STIL: variants seen among roughly 807,000 people sequenced by gnomAD.
STIL encodes the protein STIL centriolar assembly protein.
A neutral mutation model predicts 110.1 loss-of-function variants in STIL; 55 were observed. That is an observed-to-expected ratio of 0.50 (90% confidence interval 0.40 to 0.63). The LOEUF (loss-of-function observed/expected upper bound fraction) is 0.63, where lower values mean the gene tolerates loss of function less well. Among genes scored for constraint, STIL ranks in the 20% least tolerant of loss-of-function variants. The pLI is 0.00. For missense variants in STIL, 1,358 were observed against 1,530.0 expected, an observed-to-expected ratio of 0.89 and a Z score of 1.87; for synonymous variants, 481 against 530.0, an observed-to-expected ratio of 0.91 and a Z score of 1.27.
intron 12 of STIL, among the ~76,000 whole-genome samples, chr1:47,276,122 C>T (rs913277168): frequency 1.3e-5 from 2 of 151,820 alleles, no homozygotes; most frequent in African/African-American, 4.8e-5. Flanking sequence ...CATGCCTCAG[C>T]CTCCTAAGTA....
chr1:47,305,028 A>C, intron 2 of STIL, 32 bp from the exon 3 acceptor site: 1 of 1,493,558 alleles, frequency 6.7e-7, no homozygotes, highest in Non-Finnish European at 9.3e-7. Flanking sequence ...ATTAAAGCAC[A>C]AGGAATAGCA....
intron 7 of STIL, 36 bp downstream of exon 7, chr1:47,295,729 G>A (rs1219852003): frequency 7.3e-7 from 1 of 1,374,976 alleles, no homozygotes; most frequent in Non-Finnish European, 1.0e-6. Flanking sequence ...TTGAACATTT[G>A]GCTGATAAGG....
intron 6 of STIL, 120 bp from the exon 7 acceptor site, chr1:47,295,968 GCA>G: frequency 1.4e-6 from 1 of 733,000 alleles, no homozygotes; most frequent in Admixed American, 2.3e-5. Flanking sequence ...ACGTTGTCTT[GCA>G]CACACAAAAG....
At chr1:47,314,658 T>C (rs988698785), upstream of STIL, among the ~76,000 whole-genome samples, 10 of 152,224 alleles carry the variant, frequency 6.6e-5, no homozygotes, top group Non-Finnish European at 1.5e-4. Context: ...TTCCTTTTTG[T>C]GATCACTTAT....
Position 47,314,033 on chromosome 1 carries a change from T to TA in STIL, c.-44+2dup, listed in dbSNP as rs1646218481. 1 of 152,408 alleles carries TA rather than the reference T, an allele frequency of 6.6e-6. No individual in the cohort carries two copies. Among genetic ancestry groups the TA allele is most frequent in the African/African-American group, 2.4e-5 (1 of 41,458 alleles). The allele number at this position is 152,408 out of a possible 1,614,324, so 9.4% of individuals were successfully genotyped here. On this transcript the variant is annotated splice_region_variant and intron_variant, in intron 1 of 16. Coordinates refer to ENST00000371877, the MANE Select transcript of STIL (RefSeq NM_001048166.1). ...GAAACCAGGAGCACAAAGCTCCACT[T>TA]ACCGCAACTTCCGCGGAGCTGAGGT... is the stretch of plus-strand genomic sequence containing the variant.
At chr1:47,287,695 TTAAA>T (rs752851813) in intron 9 of STIL, 35 bp from the exon 10 acceptor site, 4 of 1,500,780 alleles carry the variant, frequency 2.7e-6, no homozygotes, top group Non-Finnish European at 3.7e-6. Flanking sequence ...GAGATCTGAC[TTAAA>T]TAAGAACACC....
chr1:47,304,795 G>A (rs1446248497), intron 3 of STIL, 94 bp downstream of exon 3: 6 of 969,086 alleles, frequency 6.2e-6, no homozygotes, highest in East Asian at 2.6e-5. Flanking sequence ...AAAGAAAAAT[G>A]AATAATTGGT....
intron 2 of STIL, among the ~76,000 whole-genome samples, chr1:47,307,357 A>G (rs1412276305): frequency 1.3e-5 from 2 of 152,222 alleles, no homozygotes; most frequent in Non-Finnish European, 2.9e-5. Flanking sequence ...GACCGGCCGA[A>G]GCCATGACTG....
intron 15 of STIL, 94 bp downstream of exon 15, chr1:47,262,809 G>T: frequency 2.7e-6 from 3 of 1,131,338 alleles, no homozygotes; most frequent in Non-Finnish European, 2.6e-6. Flanking sequence ...TTTATCTTAA[G>T]GTCTCAATCA....
chr1:47,302,188 T>A (rs1250391878), intron 4 of STIL, 46 bp downstream of exon 4: 1 of 1,419,656 alleles, frequency 7.0e-7, no homozygotes, highest in East Asian at 2.3e-5. Context: ...CCCAACGTGC[T>A]GGGATTACAG....
chr1:47,302,599 C>T (rs1362369828), intron 3 of STIL, among the ~76,000 whole-genome samples: 2 of 152,116 alleles, frequency 1.3e-5, no homozygotes, highest in African/African-American at 4.8e-5. Context: ...AGGTAGGTCT[C>T]CTGTTTTTGT....
chr1:47,281,005 A>G lies in STIL; in HGVS notation c.1453T>C (p.Leu485=), dbSNP rs767320430. The G allele has an allele frequency of 5.0e-6, 8 of 1,613,976 alleles. No individual in the cohort carries two copies. In the African/African-American group the frequency reaches 9.3e-5, roughly 19 times the overall value. The change falls in exon 12 of 17, where the codon TTG becomes CTG. Residue 485 remains leucine, a synonymous_variant. Coordinates refer to ENST00000371877, the MANE Select transcript of STIL (RefSeq NM_001048166.1). The part of the protein sequence containing the change: ...SPEVEAGEPS[L]RGIPNQLNQD... ...TTTAACTGATTTGGTATTCCTCTCA[A>G]GGAAGGCTCTCCAGCTTCAACTTCT...
rs755308875 is a variant in STIL, at chr1:47,281,040, T to G, written c.1418A>C (p.Lys473Thr). ...KPLQPQLYDE[K>T]HSPEVEAGEP... is the part of the protein sequence containing the mutation. Reference sequence around the variant, plus strand: ...TCCAGCTTCAACTTCTGGACTGTGTTTCTCATCATAAAGCTGGGGTTGCAA... The same window carrying G: ...TCCAGCTTCAACTTCTGGACTGTGTGTCTCATCATAAAGCTGGGGTTGCAA... The change falls in exon 12 of 17, where the codon AAA becomes ACA. Residue 473 changes from lysine to threonine, a missense_variant. Coordinates refer to ENST00000371877, the MANE Select transcript of STIL (RefSeq NM_001048166.1). The G allele has an allele frequency of 9.3e-6, 15 of 1,614,126 alleles. No individual in the cohort carries two copies. In the East Asian group the frequency reaches 3.3e-4, roughly 36 times the overall value.
chr1:47,261,738 T>C (rs1172437171), intron 15 of STIL, among the ~76,000 whole-genome samples: 1 of 128,576 alleles, frequency 7.8e-6, no homozygotes, highest in African/African-American at 3.4e-5. Context: ...ACAGTGAGAC[T>C]CTGTCTCAAA....
At chr1:47,307,120 C>T (rs890994850) in intron 2 of STIL, among the ~76,000 whole-genome samples, 2 of 152,198 alleles carry the variant, frequency 1.3e-5, no homozygotes, top group African/African-American at 4.8e-5. Context: ...CACCCCACTA[C>T]AGCTTGGGTG....
intron 15 of STIL, among the ~76,000 whole-genome samples, chr1:47,261,101 A>G (rs1644470317): frequency 6.6e-6 from 1 of 151,718 alleles, no homozygotes; most frequent in Admixed American, 6.6e-5. Context: ...TTAAAAACCA[A>G]CATAAGCTGG....
chr1:47,311,283 CTTT>C (rs536667689), intron 1 of STIL, among the ~76,000 whole-genome samples: 5 of 132,194 alleles, frequency 3.8e-5, no homozygotes, highest in Admixed American at 2.3e-4. Context: ...TTCTTTTTTT[CTTT>C]TTTTTTTTTT....
At chr1:47,270,247 T>TAC (rs1471336626) in intron 13 of STIL, among the ~76,000 whole-genome samples, 52 of 97,816 alleles carry the variant, frequency 5.3e-4, no homozygotes, top group African/African-American at 8.8e-4. Flanking sequence ...AAAAAATATA[T>TAC]ATATATATAC....
intron 13 of STIL, among the ~76,000 whole-genome samples, chr1:47,271,865 A>G (rs185157851): frequency 6.6e-6 from 1 of 152,188 alleles, no homozygotes; most frequent in Non-Finnish European, 1.5e-5. Flanking sequence ...CTAGAAAAGT[A>G]GCAAAATCAA....
Sources: allele counts gnomAD v4.1 joint callset (sites outside exome capture counted in the v4.1 genomes callset), GRCh38; gene constraint gnomAD v4.1.1; transcripts MANE v1.5; gene names NCBI Gene and HGNC (gene_info 2026-07-23, HGNC 2026-07-21).